Variants in RAPGEF5 observed in about 807,000 individuals in gnomAD.
The protein encoded by RAPGEF5 is Rap guanine nucleotide exchange factor 5.
A neutral mutation model predicts 125.2 loss-of-function variants in RAPGEF5; 65 were observed. That is an observed-to-expected ratio of 0.52 (90% confidence interval 0.43 to 0.64). RAPGEF5 has a LOEUF of 0.64. Ranked by LOEUF, RAPGEF5 falls within the 30% of genes least tolerant of loss-of-function variation. The pLI, the probability that RAPGEF5 is intolerant of heterozygous loss-of-function variation, is 0.00. For synonymous variants in RAPGEF5, 391 were observed against 385.9 expected (o/e 1.01, Z -0.16); for missense variants, 958 against 1,048.1 (o/e 0.91, Z 1.19).
chr7:22,326,980 T>C (rs1273343499), intron 1 of RAPGEF5, among the ~76,000 whole-genome samples: 4 of 152,238 alleles, frequency 2.6e-5, no homozygotes, highest in Non-Finnish European at 4.4e-5. Flanking sequence ...ATTACATATG[T>C]ACAGCTTTTT....
chr7:22,276,786 T>A (rs1395807691), intron 6 of RAPGEF5, among the ~76,000 whole-genome samples: 1 of 152,210 alleles, frequency 6.6e-6, no homozygotes, highest in Non-Finnish European at 1.5e-5. Flanking sequence ...CATAGGATTG[T>A]TGTGAGATTT....
intron 14 of RAPGEF5, among the ~76,000 whole-genome samples, chr7:22,158,416 T>G (rs574085640): frequency 6.6e-6 from 1 of 152,236 alleles, no homozygotes; most frequent in South Asian, 2.1e-4. Flanking sequence ...GAAGGCCAGC[T>G]CCACTTATGA....
In RAPGEF5 at chr7:22,122,094, G is replaced by A; in HGVS notation, c.*312C>T. ...TGTCAAGACGTTGTCTTGTCTTGAT[G>A]CTGGCACATCTCATATTGAAAACTG... is the stretch of plus-strand genomic sequence containing the variant. On this transcript the variant is annotated 3_prime_UTR_variant, in exon 26 of 26. Transcript: ENST00000665637. 1 of 284,436 alleles carries A rather than the reference G, an allele frequency of 3.5e-6. No homozygotes were observed. Among genetic ancestry groups the A allele is most frequent in the Non-Finnish European group, 6.8e-6 (1 of 146,546 alleles). The allele number at this position is 284,436 out of a possible 1,614,324, so 17.6% of individuals were successfully genotyped here.
At chr7:22,334,963 C>T (rs892682686) in intron 1 of RAPGEF5, among the ~76,000 whole-genome samples, 5 of 152,210 alleles carry the variant, frequency 3.3e-5, no homozygotes, top group Non-Finnish European at 5.9e-5. Context: ...CCAGTAATTT[C>T]AGAGTTGGTC....
At chr7:22,127,762 T>C (rs940843571) in intron 24 of RAPGEF5, among the ~76,000 whole-genome samples, 10 of 152,250 alleles carry the variant, frequency 6.6e-5, no homozygotes, top group African/African-American at 2.2e-4. Flanking sequence ...CCTCAATGAA[T>C]TATTGCTGAA....
At chr7:22,326,527 A>G (rs1436016947) in intron 1 of RAPGEF5, among the ~76,000 whole-genome samples, 1 of 152,216 alleles carries the variant, frequency 6.6e-6, no homozygotes, top group East Asian at 1.9e-4. Context: ...AACTTTAAAG[A>G]ACAGGAAGAG....
intron 7 of RAPGEF5, among the ~76,000 whole-genome samples, chr7:22,264,481 T>A (rs943225323): frequency 2.6e-5 from 4 of 152,194 alleles, no homozygotes; most frequent in African/African-American, 9.7e-5. Flanking sequence ...CATTATGCAA[T>A]CTAACATGTG....
intron 3 of RAPGEF5, chr7:22,314,768 T>C (rs932096464): frequency 2.7e-6 from 1 of 363,974 alleles, no homozygotes; most frequent in South Asian, 1.1e-4. Context: ...TTTTGGTTTT[T>C]TCTTTAAATT....
In RAPGEF5 at chr7:22,194,522, C is replaced by T. The variant is rs567879169; in HGVS notation, c.997-489G>A. The T allele has an allele frequency of 1.3e-5, 12 of 901,334 alleles. No homozygotes were observed. The South Asian group carries it at 4.6e-4, about 35-fold the overall frequency. The allele number at this position is 901,334 out of a possible 1,614,324, so 55.8% of individuals were successfully genotyped here. On this transcript the variant is annotated intron_variant, in intron 9 of 25. Transcript: ENST00000665637. ...TGCAATCAATACATATATTCATTTA[C>T]TTTACACCCTTACTTTAAAAGGCGG...
At chr7:22,351,111 A>T (rs1784321614) in intron 1 of RAPGEF5, among the ~76,000 whole-genome samples, 1 of 152,186 alleles carries the variant, frequency 6.6e-6, no homozygotes, top group Non-Finnish European at 1.5e-5. Context: ...TGCTTATGAC[A>T]CATGGATGCT....
chr7:22,188,764 CAAAAAAAAAAAA>C (rs1180031530), intron 11 of RAPGEF5, among the ~76,000 whole-genome samples: 1 of 51,914 alleles, frequency 1.9e-5, no homozygotes, highest in Admixed American at 2.1e-4. Context: ...GACTCCGTCT[CAAAAAAAAAAAA>C]AAAAAAAAGT....
chr7:22,144,514 G>A (rs1207134129), intron 20 of RAPGEF5, among the ~76,000 whole-genome samples: 1 of 152,222 alleles, frequency 6.6e-6, no homozygotes, highest in Non-Finnish European at 1.5e-5. Context: ...AGGGTTGGAA[G>A]ATGGTGCTCA....
chr7:22,216,469 C>T (rs1010656643), intron 9 of RAPGEF5, among the ~76,000 whole-genome samples: 6 of 152,182 alleles, frequency 3.9e-5, no homozygotes, highest in Non-Finnish European at 7.3e-5. Context: ...GAAATGCTGT[C>T]CCCTGCCTTC....
At chr7:22,244,321 C>A (rs545398656) in intron 7 of RAPGEF5, among the ~76,000 whole-genome samples, 1 of 152,132 alleles carries the variant, frequency 6.6e-6, no homozygotes, top group Non-Finnish European at 1.5e-5. Context: ...TCAACCCCCA[C>A]GCCACGGACT....
intron 5 of RAPGEF5, among the ~76,000 whole-genome samples, chr7:22,300,984 C>A (rs914332696): frequency 1.3e-5 from 2 of 152,212 alleles, no homozygotes; most frequent in African/African-American, 4.8e-5. Context: ...ACATCTGAGG[C>A]CTGCCTTTGA....
At chr7:22,344,837 T>A (rs995538981) in intron 1 of RAPGEF5, among the ~76,000 whole-genome samples, 4 of 152,224 alleles carry the variant, frequency 2.6e-5, no homozygotes, top group African/African-American at 9.6e-5. Context: ...TCAATAAAGT[T>A]CTTATAGTCA....
At chr7:22,173,021 C>T (rs1321073595) in intron 11 of RAPGEF5, among the ~76,000 whole-genome samples, 1 of 152,072 alleles carries the variant, frequency 6.6e-6, no homozygotes, top group Non-Finnish European at 1.5e-5. Flanking sequence ...TACTATTAGC[C>T]GTTTTGTTTC....
At chr7:22,288,190 C>T (rs1341410503) in intron 6 of RAPGEF5, among the ~76,000 whole-genome samples, 3 of 152,032 alleles carry the variant, frequency 2.0e-5, no homozygotes, top group African/African-American at 7.3e-5. Flanking sequence ...TCCATTTCCT[C>T]TCACTGTCCT....
intron 9 of RAPGEF5, among the ~76,000 whole-genome samples, chr7:22,209,414 T>A: frequency 6.6e-6 from 1 of 152,218 alleles, no homozygotes. Context: ...CTCTCATCTC[T>A]CCATTTCGTA....
Sources: allele counts gnomAD v4.1 joint callset (sites outside exome capture counted in the v4.1 genomes callset), GRCh38; gene constraint gnomAD v4.1.1; transcripts MANE v1.5; gene names NCBI Gene and HGNC (gene_info 2026-07-23, HGNC 2026-07-21).